The following DYM variants were observed in gnomAD, a reference collection of about 807,000 sequenced individuals.
The protein encoded by DYM is dymeclin.
DYM carries 78 observed loss-of-function variants against 93.1 expected under a neutral mutation model. The observed-to-expected ratio is 0.84, with a 90% CI of 0.70 to 1.01. The LOEUF (loss-of-function observed/expected upper bound fraction) is 1.01. Among genes scored for constraint, DYM ranks in the 50% least tolerant of loss-of-function variants. The probability of loss-of-function intolerance (pLI) is 0.00; values close to 1 mark genes in which losing one functional copy is unlikely to be tolerated. For synonymous variants in DYM, 321 were observed against 319.7 expected (o/e 1.00, Z -0.04); for missense variants, 789 against 845.0 (o/e 0.93, Z 0.82).
chr18:49,145,579 T>C (rs1001155893), intron 15 of DYM, among the ~76,000 whole-genome samples: 4 of 152,172 alleles, frequency 2.6e-5, no homozygotes, highest in Non-Finnish European at 4.4e-5. Context: ...CTATAGTTTG[T>C]CCTTCCCCTA....
At chr18:49,207,582 A>G (rs1358890952) in intron 14 of DYM, among the ~76,000 whole-genome samples, 1 of 152,228 alleles carries the variant, frequency 6.6e-6, no homozygotes, top group African/African-American at 2.4e-5. Context: ...GACTCACCCA[A>G]TCAGCTGAAG....
At chr18:49,051,134 C>A (rs1280432879) in intron 17 of DYM, among the ~76,000 whole-genome samples, 1 of 152,154 alleles carries the variant, frequency 6.6e-6, no homozygotes, top group East Asian at 1.9e-4. Context: ...CTGAGTGTGC[C>A]CTTAGAATGT....
intron 13 of DYM, among the ~76,000 whole-genome samples, chr18:49,214,903 TCA>T (rs1279254116): frequency 2.0e-5 from 3 of 152,208 alleles, no homozygotes; most frequent in African/African-American, 7.2e-5. Context: ...CACTGTGATC[TCA>T]GAATCACAGG....
intron 8 of DYM, among the ~76,000 whole-genome samples, chr18:49,315,227 A>G (rs1348906656): frequency 6.7e-6 from 1 of 150,302 alleles, no homozygotes; most frequent in African/African-American, 2.4e-5. Flanking sequence ...AAAAAAAAAA[A>G]GAAGAAAGAA....
chr18:49,396,319 A>C (rs1044516297), intron 2 of DYM, among the ~76,000 whole-genome samples: 4 of 152,172 alleles, frequency 2.6e-5, no homozygotes, highest in African/African-American at 9.6e-5. Context: ...CTACCATATA[A>C]TCCAATAATC....
chr18:49,458,097 C>T (rs1444991346), intron 1 of DYM, among the ~76,000 whole-genome samples: 1 of 152,182 alleles, frequency 6.6e-6, no homozygotes, highest in Non-Finnish European at 1.5e-5. Context: ...TTTGTGGTAA[C>T]ATGTTACAGC....
At chr18:49,193,895 T>C (rs775025981) in intron 14 of DYM, among the ~76,000 whole-genome samples, 7 of 152,348 alleles carry the variant, frequency 4.6e-5, no homozygotes, top group Non-Finnish European at 8.8e-5. Flanking sequence ...TTCCATTCTG[T>C]AGCCAAACTG....
chr18:49,405,138 G>A lies in DYM; in HGVS notation c.141-13493C>T, dbSNP rs2071329932. 2.0e-5 allele frequency among the ~76,000 whole-genome samples: 3 copies of A among 152,036 alleles called. No individual in the cohort carries two copies. The South Asian group carries it at 6.2e-4, about 32-fold the overall frequency. On this transcript the variant is annotated intron_variant, in intron 2 of 17. Transcript: ENST00000675505. Reference sequence around the variant, plus strand: ...ACTGTTTGAATTCCTTATAGATTCTGGATATTAGATGTTTGCTGAATGCAG... The same window carrying A: ...ACTGTTTGAATTCCTTATAGATTCTAGATATTAGATGTTTGCTGAATGCAG...
intron 8 of DYM, among the ~76,000 whole-genome samples, chr18:49,329,290 G>C (rs529547901): frequency 7.4e-6 from 1 of 135,014 alleles, no homozygotes; most frequent in Non-Finnish European, 1.6e-5. Flanking sequence ...GTTGTGGGGT[G>C]GGGGGGAGGG....
At chr18:49,372,154 G>T (rs192624471) in intron 5 of DYM, among the ~76,000 whole-genome samples, 90 of 152,204 alleles carry the variant, frequency 5.9e-4, no homozygotes, top group Admixed American at 1.6e-3. Context: ...ACCTAAATCA[G>T]ATATCATATA....
At chr18:49,112,893 A>G (rs557305736) in intron 16 of DYM, among the ~76,000 whole-genome samples, 1 of 152,138 alleles carries the variant, frequency 6.6e-6, no homozygotes, top group East Asian at 1.9e-4. Context: ...CTCACTCTCT[A>G]CCTGCTTCAA....
intron 1 of DYM, among the ~76,000 whole-genome samples, chr18:49,433,877 A>C (rs746057486): frequency 2.0e-5 from 3 of 151,970 alleles, no homozygotes; most frequent in Non-Finnish European, 4.4e-5. Flanking sequence ...CAAATTAAAT[A>C]AATAAGGAGG....
chr18:49,192,470 C>T (rs145565331), intron 14 of DYM, among the ~76,000 whole-genome samples: 3 of 152,130 alleles, frequency 2.0e-5, no homozygotes, highest in East Asian at 3.9e-4. Flanking sequence ...GGTAAGGGTT[C>T]GATTTCCCTC....
intron 14 of DYM, among the ~76,000 whole-genome samples, chr18:49,189,338 A>G (rs1039968391): frequency 6.6e-6 from 1 of 152,216 alleles, no homozygotes; most frequent in Non-Finnish European, 1.5e-5. Context: ...TGGGGAAAAG[A>G]ATATGAGTTC....
intron 13 of DYM, among the ~76,000 whole-genome samples, chr18:49,223,635 A>T (rs981753901): frequency 2.6e-5 from 4 of 152,166 alleles, no homozygotes; most frequent in Non-Finnish European, 5.9e-5. Context: ...AAATTGATGT[A>T]AATGAGTAAC....
intron 1 of DYM, among the ~76,000 whole-genome samples, chr18:49,459,261 C>T (rs1364936162): frequency 6.6e-6 from 1 of 152,168 alleles, no homozygotes; most frequent in Admixed American, 6.5e-5. Flanking sequence ...AAGGCAGACA[C>T]CTAACCTCTA....
chr18:49,208,805 T>G (rs563376782), intron 14 of DYM: 2 of 151,930 alleles, frequency 1.3e-5, no homozygotes, highest in African/African-American at 4.8e-5. Context: ...ATAAGTCATC[T>G]CTTACTTAGA....
rs1199327488 is a variant in DYM, at chr18:49,147,626, A to G, written c.1728+16059T>C. Among the ~76,000 whole-genome samples the G allele has an allele frequency of 3.9e-5, 6 of 152,132 alleles. No homozygotes were observed. In the East Asian group the frequency reaches 1.2e-3, roughly 29 times the overall value. On this transcript the variant is annotated intron_variant, in intron 15 of 17. Coordinates refer to ENST00000675505, the MANE Select transcript of DYM (RefSeq NM_001353214.3). ...ATCACTGGCCATCAGAGAAATGCAA[A>G]TCAAAACCACAATGAGATACCATCT...
In DYM at chr18:49,384,191, C is replaced by T. The variant is rs547634577; in HGVS notation, c.194-4433G>A. Among the ~76,000 whole-genome samples, 10 of 151,766 alleles carry T rather than the reference C, an allele frequency of 6.6e-5. No homozygotes were observed. The East Asian group carries it at 7.8e-4, about 12-fold the overall frequency. The stretch of plus-strand genomic sequence containing the variant: ...TACAAAAATTAGCCAGGTGTGGTTG[C>T]GCATGCCTATGGTCCCAGCTACCCA... On this transcript the variant is annotated intron_variant, in intron 3 of 17. Transcript: ENST00000675505.
Sources: gnomAD v4.1 joint callset for allele counts (sites outside exome capture counted in the v4.1 genomes callset) on GRCh38, gnomAD v4.1.1 for gene constraint, MANE v1.5 for transcripts, NCBI Gene and HGNC (gene_info 2026-07-23, HGNC 2026-07-21) for gene names.